ITGA8: variants seen among roughly 807,000 people sequenced by gnomAD.
ITGA8 encodes the protein integrin alpha-8.
In ITGA8, 91 loss-of-function variants were observed where a neutral mutation model predicts 142.3. That is an observed-to-expected ratio of 0.64 (90% CI 0.54 to 0.76). The LOEUF is 0.76. Ranked by LOEUF, ITGA8 falls within the 30% of genes least tolerant of loss-of-function variation. The pLI, the probability that ITGA8 is intolerant of heterozygous loss-of-function variation, is 0.00. For synonymous variants in ITGA8, 505 were observed against 485.2 expected (o/e 1.04, Z -0.54); for missense variants, 1,406 against 1,327.7 (o/e 1.06, Z -0.92).
At position 15,548,424 on chromosome 10, in the gene ITGA8, G is replaced by A. The variant is rs577257749; in HGVS notation, c.2880+31C>T. The A allele has an allele frequency of 6.1e-5, 87 of 1,434,556 alleles. No homozygotes were observed. In the Middle Eastern group the frequency reaches 7.6e-4, roughly 12 times the overall value. 88.9% of individuals were successfully genotyped at this position (1,434,556 alleles called of 1,614,324 possible). A position where few individuals can be genotyped will look rare whatever the true frequency, so the allele number is the denominator to read the frequency against. On this transcript the variant is annotated intron_variant, in intron 27 of 29. Coordinates refer to ENST00000378076, the MANE Select transcript of ITGA8 (RefSeq NM_003638.3). ...TTTGTGAAGCAGCTCCCAGTGAGCA[G>A]TGTGTATGTGCTTCTGTGGTTGTTT...
In ITGA8 at chr10:15,694,563, T is replaced by TAATATATAA. The variant is rs1176084202; in HGVS notation, c.344-6534_344-6526dup. ...ATGTATCTAATATATTATAGAGTTA[T>TAATATATAA]AATATATAAAATATATAAAATATAT... On this transcript the variant is annotated intron_variant, in intron 2 of 29. Transcript: ENST00000378076. 2.2e-4 allele frequency among the ~76,000 whole-genome samples: 30 copies of TAATATATAA among 138,434 alleles called. No individual in the cohort carries two copies. In the East Asian group the frequency reaches 3.6e-3, roughly 17 times the overall value. The allele number at this position is 138,434 out of a possible 152,430, so 90.8% of individuals were successfully genotyped here. A position where few individuals can be genotyped will look rare whatever the true frequency, so the allele number is the denominator to read the frequency against.
chr10:15,527,939 A>G (rs1410852084), intron 28 of ITGA8, among the ~76,000 whole-genome samples: 2 of 93,216 alleles, frequency 2.1e-5, no homozygotes, highest in Admixed American at 3.2e-4. Context: ...TTTTTGAGAC[A>G]GGTTCTTGCT....
chr10:15,674,348 C>A (rs963328392), intron 6 of ITGA8, among the ~76,000 whole-genome samples: 1 of 152,170 alleles, frequency 6.6e-6, no homozygotes, highest in Non-Finnish European at 1.5e-5. Context: ...ATTTTAAATT[C>A]TATGTCTCAA....
At chr10:15,606,667 T>C (rs942313509) in intron 17 of ITGA8, among the ~76,000 whole-genome samples, 1 of 152,182 alleles carries the variant, frequency 6.6e-6, no homozygotes, top group African/African-American at 2.4e-5. Context: ...GAGCCAATCT[T>C]TGGGTTCTCC....
intron 15 of ITGA8, among the ~76,000 whole-genome samples, chr10:15,611,732 G>T (rs1833299797): frequency 6.6e-6 from 1 of 151,352 alleles, no homozygotes; most frequent in South Asian, 2.1e-4. Flanking sequence ...GCCCGCCTTG[G>T]CCTCCCAAAG....
intron 2 of ITGA8, among the ~76,000 whole-genome samples, chr10:15,705,068 C>T (rs1835233210): frequency 6.6e-6 from 1 of 152,084 alleles, no homozygotes; most frequent in South Asian, 2.1e-4. Context: ...AGAATTCAAA[C>T]CTTCTGTGTC....
At chr10:15,675,704 T>C (rs915471184) in intron 6 of ITGA8, among the ~76,000 whole-genome samples, 3 of 152,166 alleles carry the variant, frequency 2.0e-5, no homozygotes, top group Non-Finnish European at 4.4e-5. Context: ...ACTTCATAGT[T>C]TGTCACTACA....
rs192290326 is a variant in ITGA8, at chr10:15,573,250, G to T, written c.2479-881C>A. ...ACACAATATTTGATGATTGCTTTTT[G>T]CACTACCAGTAGCTACCCTAAACTT... On this transcript the variant is annotated intron_variant, in intron 24 of 29. Coordinates refer to ENST00000378076, the MANE Select transcript of ITGA8 (RefSeq NM_003638.3). Among the ~76,000 whole-genome samples, 1,195 of 152,118 alleles carry T rather than the reference G, an allele frequency of 7.9e-3. 8 individuals carry two copies. Among genetic ancestry groups the T allele is most frequent in the African/African-American group, 0.027 (1,120 of 41,492 alleles).
At chr10:15,607,577 T>C (rs988700435) in intron 17 of ITGA8, 100 bp downstream of exon 17, 4 of 1,095,384 alleles carry the variant, frequency 3.7e-6, no homozygotes, top group Non-Finnish European at 5.5e-6. Context: ...AACAGACAGA[T>C]GGGGGTCTAT....
chr10:15,642,943 T>C (rs534781132), intron 13 of ITGA8, among the ~76,000 whole-genome samples: 123 of 152,174 alleles, frequency 8.1e-4, no homozygotes, highest in Non-Finnish European at 1.6e-3. Flanking sequence ...AGAGACAAGG[T>C]TTTTATAAGT....
chr10:15,529,533 C>G (rs989822901), intron 28 of ITGA8, among the ~76,000 whole-genome samples: 14 of 152,182 alleles, frequency 9.2e-5, no homozygotes, highest in African/African-American at 3.1e-4. Context: ...AACCCTGGCT[C>G]CCCTGCAGAA....
intron 13 of ITGA8, among the ~76,000 whole-genome samples, chr10:15,635,003 CTTTTT>C (rs915334219): frequency 9.3e-6 from 1 of 107,234 alleles, no homozygotes; most frequent in Admixed American, 9.3e-5. Context: ...TTCTTTCTTT[CTTTTT>C]TTTTTTTTTT....
At chr10:15,667,495 G>C (rs1834419055) in intron 8 of ITGA8, among the ~76,000 whole-genome samples, 1 of 152,086 alleles carries the variant, frequency 6.6e-6, no homozygotes, top group South Asian at 2.1e-4. Flanking sequence ...ATTTGTTGAA[G>C]AGTTTTTTGT....
chr10:15,613,076 G>A (rs10904600), intron 15 of ITGA8, among the ~76,000 whole-genome samples: 42,044 of 151,974 alleles, frequency 0.28, 6,605 homozygotes, highest in South Asian at 0.47. Context: ...CACGAGAATC[G>A]CTTGGACCTG....
chr10:15,600,531 C>G (rs1233992652), intron 20 of ITGA8, among the ~76,000 whole-genome samples: 1 of 152,140 alleles, frequency 6.6e-6, no homozygotes, highest in East Asian at 1.9e-4. Context: ...CTCAAGCCAG[C>G]TGGAAGCGTC....
chr10:15,628,324 GTTTTTTTTTTT>G (rs4030578), intron 13 of ITGA8, among the ~76,000 whole-genome samples: 2 of 61,564 alleles, frequency 3.2e-5, no homozygotes, highest in Non-Finnish European at 5.5e-5. Context: ...ATTTATTTTG[GTTTTTTTTTTT>G]TTTTTTTTTT....
chr10:15,645,600 T>C (rs1158678674), intron 12 of ITGA8, among the ~76,000 whole-genome samples: 6 of 152,132 alleles, frequency 3.9e-5, no homozygotes, highest in Non-Finnish European at 7.4e-5. Flanking sequence ...TGCTGAGAAC[T>C]TTTTTTCAAA....
chr10:15,544,164 GCCAGGCACCTGTAGTC>G (rs1427244730), intron 27 of ITGA8, among the ~76,000 whole-genome samples: 2 of 152,160 alleles, frequency 1.3e-5, no homozygotes, highest in Non-Finnish European at 2.9e-5. Flanking sequence ...CTGGCATGGT[GCCAGGCACCTGTAGTC>G]CCAGCTACTC....
chr10:15,702,887 G>T (rs769776247), intron 2 of ITGA8, among the ~76,000 whole-genome samples: 11 of 152,132 alleles, frequency 7.2e-5, no homozygotes, highest in African/African-American at 1.2e-4. Flanking sequence ...AACTGTATAA[G>T]GTAGCAAGTG....
Sources: allele counts gnomAD v4.1 joint callset (sites outside exome capture counted in the v4.1 genomes callset), GRCh38; gene constraint gnomAD v4.1.1; transcripts MANE v1.5; gene names NCBI Gene and HGNC (gene_info 2026-07-23, HGNC 2026-07-21).